Variants in SCRG1 observed in about 807,000 individuals in gnomAD.
SCRG1 encodes the protein stimulator of chondrogenesis 1.
SCRG1 carries 3 observed loss-of-function variants against 7.7 expected under a neutral mutation model. The observed-to-expected ratio is 0.39, with a 90% CI of 0.18 to 1.01. SCRG1 has a LOEUF of 1.01. Ranked by LOEUF, SCRG1 falls within the 50% of genes least tolerant of loss-of-function variation. The pLI, the probability that SCRG1 is intolerant of heterozygous loss-of-function variation, is 0.36. For synonymous variants in SCRG1, 46 were observed against 41.2 expected (o/e 1.12, Z -0.44); for missense variants, 110 against 117.2 (o/e 0.94, Z 0.28).
chr4:173,414,298 C>T, the SCRG1 span, among the ~76,000 whole-genome samples: 7 of 152,184 alleles, frequency 4.6e-5, no homozygotes. Flanking sequence ...CATCTCCTCA[C>T]CAGTTTCTTT....
chr4:173,445,604 T>C, the SCRG1 span, among the ~76,000 whole-genome samples: 3 of 142,878 alleles, frequency 2.1e-5, no homozygotes, highest in African/African-American at 7.8e-5. Flanking sequence ...GAAAAGAAAA[T>C]ACTCATGCAA....
At chr4:173,475,727 ATGG>A in the SCRG1 span, among the ~76,000 whole-genome samples, 1 of 152,228 alleles carries the variant, frequency 6.6e-6, no homozygotes, top group Admixed American at 6.5e-5. Flanking sequence ...TAAAGAAAAC[ATGG>A]TGTATACATA....
chr4:173,466,558 G>A, the SCRG1 span, among the ~76,000 whole-genome samples: 1 of 152,120 alleles, frequency 6.6e-6, no homozygotes, highest in Non-Finnish European at 1.5e-5. Flanking sequence ...GGCAATGCTG[G>A]GTTTGGTACA....
chr4:173,495,744 C>T, the SCRG1 span, among the ~76,000 whole-genome samples: 1 of 152,206 alleles, frequency 6.6e-6, no homozygotes, highest in African/African-American at 2.4e-5. Flanking sequence ...TCTGTGTCAT[C>T]CTCATATCCA....
At position 173,396,351 on chromosome 4, in the gene SCRG1, G is replaced by A. The variant is rs538151808; in HGVS notation, c.-15+2717C>T. Among the ~76,000 whole-genome samples, 9 of 152,290 alleles carry A rather than the reference G, an allele frequency of 5.9e-5. 1 individual carries two copies. The South Asian group carries it at 1.9e-3, about 32-fold the overall frequency. On this transcript the variant is annotated intron_variant, in intron 1 of 2. Transcript: ENST00000296506. Reference sequence around the variant, plus strand: ...TTTATTGATAGTATCTATAGCTATGGGTCTGGCAGGGCAGTAAAGGTAGAT... The same window carrying A: ...TTTATTGATAGTATCTATAGCTATGAGTCTGGCAGGGCAGTAAAGGTAGAT...
chr4:173,472,717 A>G, the SCRG1 span, among the ~76,000 whole-genome samples: 139,999 of 152,228 alleles, frequency 0.92, 65,573 homozygotes, highest in Non-Finnish European at 1. Context: ...ATTCTAGCCA[A>G]TTGATTGGAT....
chr4:173,488,131 A>AAATT, the SCRG1 span, among the ~76,000 whole-genome samples: 3 of 147,576 alleles, frequency 2.0e-5, no homozygotes, highest in African/African-American at 7.9e-5. Flanking sequence ...ATAAATAAAT[A>AAATT]AATTTAAAAA....
At chr4:173,515,228 G>A in the SCRG1 span, among the ~76,000 whole-genome samples, 2 of 152,126 alleles carry the variant, frequency 1.3e-5, no homozygotes, top group African/African-American at 2.4e-5. The surrounding 1 kb of genome is among the most constrained non-coding windows in gnomAD (Gnocchi z 4.6). Flanking sequence ...AGATGGCAAG[G>A]GATAGAAAGT....
Position 173,384,937 on chromosome 4 carries a change from A to G in SCRG1, c.*3404T>C, listed in dbSNP as rs566135509. The G allele has an allele frequency of 6.6e-6, 1 of 152,334 alleles. No individual in the cohort carries two copies. The highest frequency in any genetic ancestry group is 2.1e-4 in the South Asian group (1 of 4,828). 9.4% of individuals were successfully genotyped at this position (152,334 alleles called of 1,614,324 possible). A position where few individuals can be genotyped will look rare whatever the true frequency, so the allele number is the denominator to read the frequency against. ...TGCCTTTCTGTAAAGGAAATAATGC[A>G]TTAGGTAATGCTGTTAAACAACATA... On this transcript the variant is annotated 3_prime_UTR_variant, in exon 3 of 3. Coordinates refer to ENST00000296506, the MANE Select transcript of SCRG1 (RefSeq NM_007281.4).
chr4:173,485,425 G>T, the SCRG1 span, among the ~76,000 whole-genome samples: 188 of 150,690 alleles, frequency 1.2e-3, no homozygotes, highest in Non-Finnish European at 2.5e-3. Flanking sequence ...AGGCTATCTG[G>T]GCCATTCAGC....
chr4:173,411,755 G>A, the SCRG1 span, among the ~76,000 whole-genome samples: 1 of 152,084 alleles, frequency 6.6e-6, no homozygotes, highest in Non-Finnish European at 1.5e-5. Flanking sequence ...GAAATTAATG[G>A]TATGGTCTTA....
At chr4:173,449,435 C>CTTTTT in the SCRG1 span, among the ~76,000 whole-genome samples, 26 of 115,922 alleles carry the variant, frequency 2.2e-4, no homozygotes, top group African/African-American at 7.8e-4. Flanking sequence ...CATGATAAAT[C>CTTTTT]TTTTTTTTTT....
At chr4:173,437,058 C>T in the SCRG1 span, among the ~76,000 whole-genome samples, 4 of 152,186 alleles carry the variant, frequency 2.6e-5, no homozygotes, top group Admixed American at 2.0e-4. Context: ...TTCTTCTCTG[C>T]GGAATCCAGG....
At chr4:173,492,743 C>T in the SCRG1 span, among the ~76,000 whole-genome samples, 2 of 152,278 alleles carry the variant, frequency 1.3e-5, no homozygotes, top group African/African-American at 4.8e-5. Context: ...CCCTCTCGTA[C>T]ACCTACACAG....
At chr4:173,492,226 G>A in the SCRG1 span, among the ~76,000 whole-genome samples, 2 of 152,092 alleles carry the variant, frequency 1.3e-5, no homozygotes, top group African/African-American at 4.8e-5. Flanking sequence ...AAAAATTTTT[G>A]CCTAAACACT....
the SCRG1 span, among the ~76,000 whole-genome samples, chr4:173,518,780 G>C: frequency 8.5e-5 from 13 of 152,142 alleles, no homozygotes; most frequent in African/African-American, 1.4e-4. Context: ...AAGACGGATG[G>C]CTGGCAGGAG....
chr4:173,517,466 G>C, the SCRG1 span, among the ~76,000 whole-genome samples: 4 of 151,738 alleles, frequency 2.6e-5, no homozygotes, highest in Non-Finnish European at 5.9e-5. Flanking sequence ...GGACACTAGG[G>C]GGAAGTAACT....
At chr4:173,459,323 G>A in the SCRG1 span, among the ~76,000 whole-genome samples, 12 of 152,268 alleles carry the variant, frequency 7.9e-5, no homozygotes, top group African/African-American at 2.6e-4. Context: ...CTTTTCATCA[G>A]CACATGAAAC....
the SCRG1 span, among the ~76,000 whole-genome samples, chr4:173,503,930 T>G: frequency 1.3e-5 from 2 of 152,204 alleles, no homozygotes; most frequent in African/African-American, 4.8e-5. This position sits in a 1 kb window ranked among gnomAD's most constrained non-coding sequence, Gnocchi z 6.4. Flanking sequence ...ATAGTAAGTT[T>G]TCTTAAATGT....
Sources: allele counts gnomAD v4.1 joint callset (sites outside exome capture counted in the v4.1 genomes callset), GRCh38; gene constraint gnomAD v4.1.1; non-coding constraint Gnocchi (gnomAD v3.1); transcripts MANE v1.5; gene names NCBI Gene and HGNC (gene_info 2026-07-23, HGNC 2026-07-21).